LARS2: variants seen among roughly 807,000 people sequenced by gnomAD.
LARS2 encodes leucine--tRNA ligase, mitochondrial.
A neutral mutation model predicts 116.6 loss-of-function variants in LARS2; 81 were observed. The observed-to-expected ratio is 0.69, with a 90% CI of 0.58 to 0.84. The LOEUF is 0.84. LARS2 is among the 40% of genes least tolerant of loss of function. The pLI, the probability that LARS2 is intolerant of heterozygous loss-of-function variation, is 0.00. For missense variants in LARS2, 968 were observed against 1,114.5 expected (o/e 0.87, Z 1.87); for synonymous variants, 396 against 407.2 (o/e 0.97, Z 0.33).
rs1699795758 is a variant in LARS2, at chr3:45,485,719, A to C, written c.1046A>C (p.Asn349Thr). 3.1e-6 allele frequency: 5 copies of C among 1,611,110 alleles called. No individual in the cohort carries two copies. Residue 349 changes from asparagine to threonine, a missense_variant, in exon 11 of 22, where the codon AAC becomes ACC. Transcript: ENST00000645846. ...TGCCTCACGCCTGTAATGGCTGTGA[A>C]CATGCTTACCCAGCAGGAGGTCCCT... is the stretch of plus-strand genomic sequence containing the variant. Reference protein sequence around the residue: ...KDCLTPVMAVNMLTQQEVPVV... With the variant: ...KDCLTPVMAVTMLTQQEVPVV...
intron 4 of LARS2, among the ~76,000 whole-genome samples, chr3:45,410,818 C>T (rs1698319718): frequency 6.6e-6 from 1 of 152,248 alleles, no homozygotes; most frequent in South Asian, 2.1e-4. Context: ...CAGGGACTTG[C>T]CTCTCTCTCT....
intron 1 of LARS2, among the ~76,000 whole-genome samples, chr3:45,390,442 A>G (rs976863882): frequency 3.3e-5 from 5 of 150,396 alleles, no homozygotes; most frequent in Non-Finnish European, 7.4e-5. Flanking sequence ...CCTTCCGAGT[A>G]GCTGGGACTA....
chr3:45,506,839 G>A (rs1575300954), intron 15 of LARS2: 1 of 152,004 alleles, frequency 6.6e-6, no homozygotes, highest in South Asian at 2.1e-4. Flanking sequence ...TTCCTGTTTT[G>A]TAAGAGTTGT....
intron 10 of LARS2, among the ~76,000 whole-genome samples, chr3:45,485,316 T>TA (rs747776351): frequency 1.2e-4 from 19 of 152,222 alleles, no homozygotes; most frequent in Non-Finnish European, 2.2e-4. Flanking sequence ...CTTCAAGTGT[T>TA]ATGATGGTTT....
chr3:45,425,830 C>T (rs1055896158), intron 6 of LARS2, among the ~76,000 whole-genome samples: 3 of 152,044 alleles, frequency 2.0e-5, no homozygotes, highest in Non-Finnish European at 2.9e-5. Context: ...ACCTAAAACG[C>T]TTGATGACAA....
chr3:45,520,500 C>G (rs1004990822), intron 19 of LARS2, among the ~76,000 whole-genome samples: 1 of 152,104 alleles, frequency 6.6e-6, no homozygotes. Flanking sequence ...GGTCCAAACC[C>G]CCTTCTCCCC....
rs548589976 is a variant in LARS2, at chr3:45,440,806, G to A, written c.517-6085G>A. On this transcript the variant is annotated intron_variant, in intron 6 of 21. Coordinates refer to ENST00000645846, the MANE Select transcript of LARS2 (RefSeq NM_015340.4). The stretch of plus-strand genomic sequence containing the variant: ...GAGCTGACTGGGAGCAGCCTAGTGT[G>A]GATTTCTCCATCTGGTCATGTGTTT... 1.1e-3 allele frequency among the ~76,000 whole-genome samples: 173 copies of A among 152,148 alleles called. 1 individual carries two copies. The highest frequency in any genetic ancestry group is 4.0e-3 in the African/African-American group (168 of 41,496).
chr3:45,451,329 A>T lies in LARS2; in HGVS notation c.606+4349A>T, dbSNP rs1294074458. On this transcript the variant is annotated intron_variant, in intron 7 of 21. Coordinates refer to ENST00000645846, the MANE Select transcript of LARS2 (RefSeq NM_015340.4). ...TAATGTTTTATTCTACTAGTTTCAT[A>T]GTTTTCGGTCTTACATTTAAGTCTT... 4.6e-4 allele frequency among the ~76,000 whole-genome samples: 70 copies of T among 150,678 alleles called. 1 individual carries two copies. The highest frequency in any genetic ancestry group is 1.0e-4 in the Non-Finnish European group (7 of 67,670).
Position 45,520,711 on chromosome 3 carries a change from C to T in LARS2, c.2292+415C>T, listed in dbSNP as rs150462638. On this transcript the variant is annotated intron_variant, in intron 19 of 21. Transcript: ENST00000645846. ...TCATTTAACCTGGATGGATCAGGAT[C>T]GTTCTCACCAATGCCAAAAGTCAGC... 5.0e-3 allele frequency among the ~76,000 whole-genome samples: 759 copies of T among 152,344 alleles called. 5 individuals are homozygous for T. Among genetic ancestry groups the T allele is most frequent in the Admixed American group, 0.011 (164 of 15,300 alleles).
intron 20 of LARS2, among the ~76,000 whole-genome samples, chr3:45,531,752 G>A (rs1700619444): frequency 6.6e-6 from 1 of 152,122 alleles, no homozygotes; most frequent in Non-Finnish European, 1.5e-5. Flanking sequence ...GTGTTGTTTT[G>A]ATATATGTAC....
intron 15 of LARS2, among the ~76,000 whole-genome samples, chr3:45,511,521 A>G (rs1451804367): frequency 6.6e-6 from 1 of 152,150 alleles, no homozygotes; most frequent in Non-Finnish European, 1.5e-5. Context: ...ATTCATCATT[A>G]TACCGCTAGG....
At chr3:45,483,396 C>G (rs1699739258) in intron 10 of LARS2, among the ~76,000 whole-genome samples, 1 of 152,208 alleles carries the variant, frequency 6.6e-6, no homozygotes, top group Admixed American at 6.5e-5. Context: ...TGTTTGTAAT[C>G]CCAGCACTTT....
chr3:45,482,088 C>T (rs1699712215), intron 10 of LARS2, among the ~76,000 whole-genome samples: 1 of 152,150 alleles, frequency 6.6e-6, no homozygotes, highest in South Asian at 2.1e-4. Flanking sequence ...AACTCACGTT[C>T]CCACATTATC....
chr3:45,472,349 G>A (rs1177487986), intron 8 of LARS2, among the ~76,000 whole-genome samples: 1 of 152,180 alleles, frequency 6.6e-6, no homozygotes, highest in African/African-American at 2.4e-5. Flanking sequence ...GGAGTGGGAT[G>A]TGGTGGCAAG....
intron 16 of LARS2, among the ~76,000 whole-genome samples, chr3:45,514,777 A>C (rs1041032259): frequency 6.6e-6 from 1 of 152,222 alleles, no homozygotes; most frequent in African/African-American, 2.4e-5. Flanking sequence ...CCTAATTTGC[A>C]TAACAGTGTT....
At chr3:45,513,063 G>A (rs1364979866) in intron 15 of LARS2, 72 bp from the exon 16 acceptor site, 2 of 1,018,132 alleles carry the variant, frequency 2.0e-6, no homozygotes, top group African/African-American at 1.6e-5. Flanking sequence ...CCGAGGGAAG[G>A]TCTGCGTTGC....
intron 20 of LARS2, among the ~76,000 whole-genome samples, chr3:45,529,214 T>G (rs927755145): frequency 6.6e-6 from 1 of 152,130 alleles, no homozygotes; most frequent in Admixed American, 6.5e-5. Context: ...TTGTTTGAAT[T>G]TACGCACTCC....
intron 19 of LARS2, among the ~76,000 whole-genome samples, chr3:45,520,713 T>C (rs1016741930): frequency 2.0e-5 from 3 of 152,244 alleles, no homozygotes; most frequent in African/African-American, 7.2e-5. Flanking sequence ...ATCAGGATCG[T>C]TCTCACCAAT....
chr3:45,480,727 C>T (rs546601772), intron 10 of LARS2, among the ~76,000 whole-genome samples: 4 of 152,270 alleles, frequency 2.6e-5, no homozygotes, highest in South Asian at 2.1e-4. Flanking sequence ...GTATAGCATG[C>T]GAGCTGCTAC....
Sources: allele counts gnomAD v4.1 joint callset (sites outside exome capture counted in the v4.1 genomes callset), GRCh38; gene constraint gnomAD v4.1.1; transcripts MANE v1.5; gene names NCBI Gene and HGNC (gene_info 2026-07-23, HGNC 2026-07-21).